Variants in CLNK observed in about 807,000 individuals in gnomAD.
CLNK encodes the protein cytokine-dependent hematopoietic cell linker.
CLNK carries 74 observed loss-of-function variants against 68.6 expected under a neutral mutation model. The observed-to-expected ratio is 1.08, with a 90% CI of 0.89 to 1.31. The LOEUF is 1.31. Ranked by LOEUF, CLNK falls within the 50% of genes most tolerant of loss-of-function variation. The pLI is 0.00. For synonymous variants in CLNK, 198 were observed against 172.2 expected, an observed-to-expected ratio of 1.15 and a Z score of -1.17; for missense variants, 553 against 515.3, an observed-to-expected ratio of 1.07 and a Z score of -0.71.
intron 9 of CLNK, 101 bp downstream of exon 9, chr4:10,542,154 G>T: frequency 8.2e-7 from 1 of 1,214,938 alleles, no homozygotes; most frequent in Non-Finnish European, 1.2e-6. Context: ...AGACTTATAA[G>T]ACATATTTTT....
chr4:10,585,409 T>C, intron 3 of CLNK, among the ~76,000 whole-genome samples: 1 of 152,248 alleles, frequency 6.6e-6, no homozygotes, highest in East Asian at 1.9e-4. Context: ...CAATCAAATG[T>C]AGCCAACTGT....
In CLNK at chr4:10,487,065, A is replaced by C. The variant is rs1716380154; in HGVS notation, c.*3402T>G. ...ATTATTTAGTCCAAAAAATATCTGGAAAGCATAAATGCTGTAATTGGATAA... is the reference window on the plus strand; with the variant it reads ...ATTATTTAGTCCAAAAAATATCTGGCAAGCATAAATGCTGTAATTGGATAA... On this transcript the variant is annotated 3_prime_UTR_variant, in exon 19 of 19. Transcript: ENST00000226951. 6.6e-6 allele frequency: 1 copy of C among 152,222 alleles called. No individual in the cohort carries two copies. The highest frequency in any genetic ancestry group is 1.5e-5 in the Non-Finnish European group (1 of 68,032). The allele number at this position is 152,222 out of a possible 1,614,324, so 9.4% of individuals were successfully genotyped here. A position where few individuals can be genotyped will look rare whatever the true frequency, so the allele number is the denominator to read the frequency against.
chr4:10,605,813 C>G (rs1203905988), intron 2 of CLNK, among the ~76,000 whole-genome samples: 1 of 104,860 alleles, frequency 9.5e-6, no homozygotes, highest in East Asian at 2.9e-4. Flanking sequence ...GGGGACAGAG[C>G]AAGACTCTGT....
chr4:10,501,146 A>G lies in CLNK; in HGVS notation c.1140+110T>C, dbSNP rs924001241. On this transcript the variant is annotated intron_variant, in intron 18 of 18. Transcript: ENST00000226951. ...GGAAGGGGTGGGGAGGTCAGACTGC[A>G]TCCCTCTCCTTCAGGGCGGCATCCT... The G allele has an allele frequency of 7.1e-6, 8 of 1,125,698 alleles. No homozygotes were observed. The African/African-American group carries it at 7.9e-5, about 11-fold the overall frequency. The allele number at this position is 1,125,698 out of a possible 1,614,324, so 69.7% of individuals were successfully genotyped here. A position where few individuals can be genotyped will look rare whatever the true frequency, so the allele number is the denominator to read the frequency against.
At chr4:10,516,888 G>C (rs939826180) in intron 15 of CLNK, among the ~76,000 whole-genome samples, 5 of 152,148 alleles carry the variant, frequency 3.3e-5, no homozygotes, top group African/African-American at 1.2e-4. Flanking sequence ...AAGGATGTTT[G>C]TTGTGAGGGC....
rs142731180 is a variant in CLNK at position 10,629,801 on chromosome 4, T to C, written c.12-31752A>G. On this transcript the variant is annotated intron_variant, in intron 2 of 18. Coordinates refer to ENST00000226951, the MANE Select transcript of CLNK (RefSeq NM_052964.4). ...TGAGCATATCAGTAGCTACCCACCA[T>C]GCTGGCTAATCACTGGGAAATTCTT... Among the ~76,000 whole-genome samples, 241 of 152,318 alleles carry C rather than the reference T, an allele frequency of 1.6e-3. 8 individuals are homozygous for C. In the East Asian group the frequency reaches 0.04, roughly 25 times the overall value.
Position 10,671,731 on chromosome 4 carries a change from T to A in CLNK, c.-42-3820A>T, listed in dbSNP as rs551218372. ...GTTATATATCCCCCATCTCCCCACC[T>A]CAGTAACCTCATAGGGTCTGTTTTA... On this transcript the variant is annotated intron_variant, in intron 1 of 18. Coordinates refer to ENST00000226951, the MANE Select transcript of CLNK (RefSeq NM_052964.4). Among the ~76,000 whole-genome samples the A allele has an allele frequency of 2.0e-5, 3 of 152,262 alleles. No homozygotes were observed. In the South Asian group the frequency reaches 6.2e-4, roughly 32 times the overall value.
At chr4:10,609,732 G>C (rs1009855060) in intron 2 of CLNK, among the ~76,000 whole-genome samples, 1 of 152,216 alleles carries the variant, frequency 6.6e-6, no homozygotes, top group Non-Finnish European at 1.5e-5. Flanking sequence ...CAAAGTGGAG[G>C]GTGGCATTTG....
intron 2 of CLNK, among the ~76,000 whole-genome samples, chr4:10,633,497 A>G (rs1257702641): frequency 6.6e-6 from 1 of 152,118 alleles, no homozygotes; most frequent in Admixed American, 6.5e-5. Flanking sequence ...CCCATTCCCT[A>G]TATGGTGAAT....
chr4:10,584,944 C>T lies in CLNK; in HGVS notation c.95G>A (p.Arg32His), dbSNP rs774916302. 1.7e-5 allele frequency: 28 copies of T among 1,613,708 alleles called. No individual in the cohort carries two copies. Among genetic ancestry groups the T allele is most frequent in the East Asian group, 6.7e-5 (3 of 44,880 alleles). ...FSLPKNRSWP[R>H]INSATGQYQR... ...CGACTCACCTGTGGCACTATTGATG[C>T]GAGGCCATGACCTAGGGCAGAAAAG... The change falls in exon 4 of 19, where the codon CGC becomes CAC. Residue 32 changes from arginine to histidine, a missense_variant. Physicochemically the swap from Arg to His is conservative, Grantham distance 29. Transcript: ENST00000226951.
chr4:10,659,848 T>C (rs760813914), intron 2 of CLNK, among the ~76,000 whole-genome samples: 1 of 152,228 alleles, frequency 6.6e-6, no homozygotes, highest in Non-Finnish European at 1.5e-5. Flanking sequence ...TCCCAAATCA[T>C]ATTAATTAAA....
At chr4:10,650,714 T>TA (rs897228958) in intron 2 of CLNK, among the ~76,000 whole-genome samples, 2 of 151,944 alleles carry the variant, frequency 1.3e-5, no homozygotes, top group African/African-American at 4.8e-5. Context: ...TGCTTTCATT[T>TA]AAAAAAAATT....
intron 2 of CLNK, among the ~76,000 whole-genome samples, chr4:10,656,042 A>T: frequency 6.6e-6 from 1 of 152,110 alleles, no homozygotes; most frequent in Non-Finnish European, 1.5e-5. Context: ...CCTCCACACT[A>T]TACACAAATT....
intron 2 of CLNK, among the ~76,000 whole-genome samples, chr4:10,649,453 A>G (rs759127464): frequency 2.6e-5 from 4 of 152,142 alleles, no homozygotes; most frequent in Non-Finnish European, 5.9e-5. Context: ...ATGGCCTTTA[A>G]TTTTCATGGC....
intron 8 of CLNK, among the ~76,000 whole-genome samples, chr4:10,545,737 G>T (rs979511435): frequency 3.9e-5 from 6 of 152,162 alleles, no homozygotes; most frequent in Non-Finnish European, 8.8e-5. Flanking sequence ...GTCTCTGATT[G>T]GGTCCTCAGG....
chr4:10,547,207 A>G (rs1719269850), intron 8 of CLNK, among the ~76,000 whole-genome samples: 1 of 152,202 alleles, frequency 6.6e-6, no homozygotes, highest in African/African-American at 2.4e-5. Flanking sequence ...AAGCCCAGAT[A>G]GGTGATGGCA....
chr4:10,520,272 C>T (rs919013209), intron 15 of CLNK, among the ~76,000 whole-genome samples: 1 of 152,214 alleles, frequency 6.6e-6, no homozygotes, highest in Non-Finnish European at 1.5e-5. Context: ...ACTTTACAAA[C>T]AGTTACTAAG....
intron 1 of CLNK, among the ~76,000 whole-genome samples, chr4:10,678,398 G>A (rs533599679): frequency 2.0e-5 from 3 of 152,208 alleles, no homozygotes; most frequent in African/African-American, 7.2e-5. Context: ...CATCAGTGCC[G>A]TGAAAAACTC....
At chr4:10,670,437 C>T (rs184405834) in intron 1 of CLNK, among the ~76,000 whole-genome samples, 22 of 152,302 alleles carry the variant, frequency 1.4e-4, no homozygotes, top group South Asian at 1.2e-3. Flanking sequence ...CTAGTCTTTA[C>T]GGACAGCTCC....
Sources: gnomAD v4.1 joint callset for allele counts (sites outside exome capture counted in the v4.1 genomes callset) on GRCh38, gnomAD v4.1.1 for gene constraint, MANE v1.5 for transcripts, NCBI Gene and HGNC (gene_info 2026-07-23, HGNC 2026-07-21) for gene names.